Variants in BMP6 observed in about 807,000 individuals in gnomAD.
BMP6 encodes bone morphogenetic protein 6.
A neutral mutation model predicts 54.1 loss-of-function variants in BMP6; 17 were observed. The ratio of observed to expected loss-of-function variants is 0.31; its 90% CI spans 0.22 to 0.47. The LOEUF is 0.47. Among genes scored for constraint, BMP6 ranks in the 20% least tolerant of loss-of-function variants. The pLI is 1.00. For missense variants in BMP6, 720 were observed against 690.4 expected (o/e 1.04, Z -0.48); for synonymous variants, 328 against 291.2 (o/e 1.13, Z -1.28).
chr6:7,740,858 A>G (rs1762031743), intron 1 of BMP6, among the ~76,000 whole-genome samples: 1 of 152,126 alleles, frequency 6.6e-6, no homozygotes, highest in Admixed American at 6.5e-5. Context: ...GAAGGTCTTT[A>G]TAATCGTTGG....
At position 7,868,243 on chromosome 6, in the gene BMP6, C is replaced by T. The variant is rs538995648; in HGVS notation, c.1204+5745C>T. Reference sequence around the variant, plus strand: ...TCCTGGAGCAACCAAAAAATAGGGCCTCACTGTTGCTTCTCAATGTTGACC... The same window carrying T: ...TCCTGGAGCAACCAAAAAATAGGGCTTCACTGTTGCTTCTCAATGTTGACC... On this transcript the variant is annotated intron_variant, in intron 4 of 6. Coordinates refer to ENST00000283147, the MANE Select transcript of BMP6 (RefSeq NM_001718.6). Among the ~76,000 whole-genome samples the T allele has an allele frequency of 2.0e-5, 3 of 152,172 alleles. 1 individual carries two copies. The highest frequency in any genetic ancestry group is 4.1e-4 in the South Asian group (2 of 4,830).
At chr6:7,842,642 C>T (rs1219315938) in intron 1 of BMP6, among the ~76,000 whole-genome samples, 1 of 152,224 alleles carries the variant, frequency 6.6e-6, no homozygotes, top group East Asian at 1.9e-4. Flanking sequence ...TACAGCCAGC[C>T]ACAGAGCCAG....
At chr6:7,832,920 G>A (rs146548592) in intron 1 of BMP6, among the ~76,000 whole-genome samples, 290 of 151,894 alleles carry the variant, frequency 1.9e-3, no homozygotes, top group African/African-American at 4.7e-3. Flanking sequence ...CAAAGGTAGA[G>A]TTTAAGGTGG....
intron 1 of BMP6, among the ~76,000 whole-genome samples, chr6:7,801,563 T>C (rs1162500412): frequency 6.6e-6 from 1 of 152,348 alleles, no homozygotes; most frequent in East Asian, 1.9e-4. Context: ...TGGCATCACC[T>C]TGTGACCTCA....
intron 1 of BMP6, among the ~76,000 whole-genome samples, chr6:7,739,950 G>GA (rs753931592): frequency 2.6e-5 from 4 of 152,016 alleles, no homozygotes; most frequent in Admixed American, 1.3e-4. Context: ...TTCCTGTCTT[G>GA]AAGACTGCTG....
rs924134405 is a variant in BMP6 at position 7,880,290 on chromosome 6, G to A, written c.1489G>A (p.Val497Ile). 3.1e-6 allele frequency: 5 copies of A among 1,614,118 alleles called. No homozygotes were observed. The highest frequency in any genetic ancestry group is 4.2e-6 in the Non-Finnish European group (5 of 1,180,016). ...SVLYFDDNSN[V>I]ILKKYRNMVV... ...TCTTTACTTTGATGACAACTCCAAT[G>A]TCATTCTGAAAAAATACAGGAATAT... The change falls in exon 7 of 7, where the codon GTC (valine) becomes ATC (isoleucine). Residue 497 changes from valine to isoleucine, a missense_variant. Val to Ile is a conservative substitution (Grantham distance 29). Coordinates refer to ENST00000283147, the MANE Select transcript of BMP6 (RefSeq NM_001718.6).
intron 1 of BMP6, among the ~76,000 whole-genome samples, chr6:7,807,578 C>T (rs529836289): frequency 3.9e-4 from 59 of 152,240 alleles, no homozygotes; most frequent in Non-Finnish European, 1.3e-4. Flanking sequence ...CGCGCCCGGC[C>T]GGGACCTTGT....
Position 7,727,410 on chromosome 6 carries a change from C to T in BMP6, c.455C>T (p.Ala152Val). 1.9e-6 allele frequency: 3 copies of T among 1,606,194 alleles called. No individual in the cohort carries two copies. Among genetic ancestry groups the T allele is most frequent in the Non-Finnish European group, 2.5e-6 (3 of 1,177,338 alleles). The stretch of plus-strand genomic sequence containing the variant: ...TCCGCCGACAACGACGAGGACGGGG[C>T]GTCGGAGGGGGAGAGGCAGCAGTCC... ...ALSADNDEDG[A>V]SEGERQQSWP... Residue 152 changes from alanine to valine, a missense_variant, in exon 1 of 7, where the codon GCG (alanine) becomes GTG (valine). By Grantham distance (64) the Ala-to-Val change is moderately conservative (BLOSUM62 0). This residue lies in a region of BMP6 where 650 missense variants were observed against 556.3 expected (regional missense o/e 1.17). Coordinates refer to ENST00000283147, the MANE Select transcript of BMP6 (RefSeq NM_001718.6).
intron 2 of BMP6, among the ~76,000 whole-genome samples, chr6:7,860,618 CTT>C (rs922425871): frequency 2.6e-5 from 4 of 152,222 alleles, no homozygotes; most frequent in African/African-American, 9.7e-5. Context: ...GATTCTCTGA[CTT>C]TGCCTCAAAG....
chr6:7,856,301 T>C (rs1759231696), intron 2 of BMP6, among the ~76,000 whole-genome samples: 2 of 152,144 alleles, frequency 1.3e-5, no homozygotes, highest in South Asian at 4.1e-4. Flanking sequence ...TAATCTATAC[T>C]GTACTTTACG....
rs1758137886 is a variant in BMP6 at position 7,793,278 on chromosome 6, G to T, written c.665-51862G>T. Among the ~76,000 whole-genome samples the T allele has an allele frequency of 2.0e-5, 3 of 151,066 alleles. No individual in the cohort carries two copies. In the Admixed American group the frequency reaches 2.0e-4, roughly 10 times the overall value. On this transcript the variant is annotated intron_variant, in intron 1 of 6. Transcript: ENST00000283147. ...TAACTAAAGAAGCCAAACTGAAAAGGTTACATACTATATAGTTCCAACTGT... is the reference window on the plus strand; with the variant it reads ...TAACTAAAGAAGCCAAACTGAAAAGTTTACATACTATATAGTTCCAACTGT...
At chr6:7,795,875 G>T (rs1373268478) in intron 1 of BMP6, among the ~76,000 whole-genome samples, 1 of 152,156 alleles carries the variant, frequency 6.6e-6, no homozygotes, top group East Asian at 1.9e-4. Context: ...GTGGATGGAG[G>T]CGCCTCTAAA....
chr6:7,865,208 AATATGG>A (rs1437191628), intron 4 of BMP6, among the ~76,000 whole-genome samples: 1 of 152,166 alleles, frequency 6.6e-6, no homozygotes, highest in East Asian at 1.9e-4. Flanking sequence ...GTTTAAATTA[AATATGG>A]ATATTCAAGT....
intron 1 of BMP6, among the ~76,000 whole-genome samples, chr6:7,736,846 C>A (rs745564937): frequency 1.3e-5 from 2 of 152,134 alleles, no homozygotes; most frequent in Admixed American, 1.3e-4. Context: ...TTTGCCCGCC[C>A]GTTATCTCCC....
Position 7,880,410 on chromosome 6 carries a change from AC to A in BMP6, c.*68del. On this transcript the variant is annotated 3_prime_UTR_variant, in exon 7 of 7. Transcript: ENST00000283147. ...CCTAGATTACATCTGCCTTAAAAAAACACGGAAGCACAGTTGGAGGTGGGAC... is the reference window on the plus strand; with the variant it reads ...CCTAGATTACATCTGCCTTAAAAAAAACGGAAGCACAGTTGGAGGTGGGAC... 6.3e-7 allele frequency: 1 copy of A among 1,590,504 alleles called. No individual in the cohort carries two copies. The highest frequency in any genetic ancestry group is 8.6e-7 in the Non-Finnish European group (1 of 1,162,152).
intron 1 of BMP6, among the ~76,000 whole-genome samples, chr6:7,785,671 G>T (rs1315241575): frequency 6.6e-6 from 1 of 152,170 alleles, no homozygotes; most frequent in Non-Finnish European, 1.5e-5. Flanking sequence ...GTATTTTGTT[G>T]TGTCTTGCAG....
chr6:7,789,309 G>A (rs1758061610), intron 1 of BMP6, among the ~76,000 whole-genome samples: 1 of 152,162 alleles, frequency 6.6e-6, no homozygotes, highest in Non-Finnish European at 1.5e-5. Flanking sequence ...TGAGGTTCTG[G>A]AAATGTAATC....
intron 1 of BMP6, among the ~76,000 whole-genome samples, chr6:7,768,070 G>C (rs889292734): frequency 7.2e-5 from 11 of 152,116 alleles, no homozygotes; most frequent in African/African-American, 2.7e-4. Flanking sequence ...TCTTCCTGGG[G>C]AGGCAAGAGC....
intron 1 of BMP6, among the ~76,000 whole-genome samples, chr6:7,825,270 C>T (rs1758677290): frequency 1.3e-5 from 2 of 152,040 alleles, no homozygotes; most frequent in Non-Finnish European, 2.9e-5. Context: ...CAGAGCAAGA[C>T]CCTATCTCTA....
Sources: gnomAD v4.1 joint callset for allele counts (sites outside exome capture counted in the v4.1 genomes callset) on GRCh38, gnomAD v4.1.1 for gene constraint, gnomAD v4.1.1 regional missense constraint, MANE v1.5 for transcripts, NCBI Gene and HGNC (gene_info 2026-07-23, HGNC 2026-07-21) for gene names.